Variants in FILIP1 observed in about 807,000 individuals in gnomAD.
The protein encoded by FILIP1 is filamin-A-interacting protein 1.
A neutral mutation model predicts 102.1 loss-of-function variants in FILIP1; 61 were observed. That is an observed-to-expected ratio of 0.60 (90% CI 0.49 to 0.74). FILIP1 has a LOEUF of 0.74. FILIP1 is among the 30% of genes least tolerant of loss of function. The pLI is 0.00. For synonymous variants in FILIP1, 491 were observed against 526.9 expected (o/e 0.93, Z 0.93); for missense variants, 1,314 against 1,441.2 (o/e 0.91, Z 1.43).
chr6:75,421,282 G>T (rs752905610), intron 1 of FILIP1, among the ~76,000 whole-genome samples: 1 of 152,158 alleles, frequency 6.6e-6, no homozygotes, highest in Admixed American at 6.6e-5. Context: ...GGTTAGATGA[G>T]TGGGAACGTA....
intron 1 of FILIP1, among the ~76,000 whole-genome samples, chr6:75,485,959 T>C (rs1481736260): frequency 6.8e-6 from 1 of 145,988 alleles, no homozygotes; most frequent in East Asian, 2.0e-4. Flanking sequence ...CTCACTGCCT[T>C]CTGACCAAAA....
At chr6:75,432,826 TC>T (rs905445598) in intron 1 of FILIP1, among the ~76,000 whole-genome samples, 4 of 151,906 alleles carry the variant, frequency 2.6e-5, no homozygotes, top group African/African-American at 9.7e-5. Flanking sequence ...TGCTATCCCT[TC>T]CCCCTCCCCC....
At chr6:75,326,833 C>T (rs1773881649) in intron 4 of FILIP1, among the ~76,000 whole-genome samples, 1 of 152,216 alleles carries the variant, frequency 6.6e-6, no homozygotes, top group South Asian at 2.1e-4. Context: ...TTTAGGTTAA[C>T]TTCATCTTGC....
Position 75,312,795 on chromosome 6 carries a change from A to T in FILIP1, c.3037T>A (p.Ser1013Thr), listed in dbSNP as rs746745541. 1 of 1,614,058 alleles carries T rather than the reference A, an allele frequency of 6.2e-7. No homozygotes were observed. ...ATCTCAGCTGGTGCTGCTGATGTAG[A>T]CACCGTCATTATCTGAATAGGGGAT... ...PTSPIQIMTV[S>T]TSAAPAEIAV... The change falls in exon 5 of 6, where the codon TCT (serine) becomes ACT (threonine). Residue 1013 changes from serine to threonine, a missense_variant. By Grantham distance (58) the Ser-to-Thr change is moderately conservative. This residue lies in a region of FILIP1 where 816 missense variants were observed against 913.1 expected (regional missense o/e 0.89). Transcript: ENST00000237172.
intron 4 of FILIP1, among the ~76,000 whole-genome samples, chr6:75,351,200 A>G (rs998811452): frequency 3.3e-5 from 5 of 152,166 alleles, no homozygotes; most frequent in African/African-American, 1.2e-4. Flanking sequence ...AGTAGCTGGG[A>G]TTACAGGTGC....
chr6:75,440,204 C>G (rs1175259181), intron 1 of FILIP1, among the ~76,000 whole-genome samples: 1 of 151,926 alleles, frequency 6.6e-6, no homozygotes, highest in African/African-American at 2.4e-5. Context: ...AACATTATTT[C>G]AGAATAAAAA....
At chr6:75,430,012 A>C (rs947461543) in intron 1 of FILIP1, among the ~76,000 whole-genome samples, 1 of 152,162 alleles carries the variant, frequency 6.6e-6, no homozygotes, top group African/African-American at 2.4e-5. Context: ...CCTCACCCAA[A>C]TCTCATCTTA....
At chr6:75,463,112 T>A (rs143142992) in intron 1 of FILIP1, among the ~76,000 whole-genome samples, 1 of 152,214 alleles carries the variant, frequency 6.6e-6, no homozygotes, top group Non-Finnish European at 1.5e-5. Flanking sequence ...AGAAAGGACA[T>A]ATCTGTGAGC....
chr6:75,465,652 G>A, intron 1 of FILIP1: 1 of 274,228 alleles, frequency 3.6e-6, no homozygotes, highest in Non-Finnish European at 6.8e-6. Flanking sequence ...TTTTCCAGGT[G>A]CATCTTATAG....
At chr6:75,450,803 A>C (rs937206995) in intron 1 of FILIP1, among the ~76,000 whole-genome samples, 1 of 151,926 alleles carries the variant, frequency 6.6e-6, no homozygotes, top group Admixed American at 6.6e-5. Flanking sequence ...TAAAAATACA[A>C]AATTAGCCGG....
At chr6:75,482,996 T>C (rs1226227626) in intron 1 of FILIP1, among the ~76,000 whole-genome samples, 2 of 151,568 alleles carry the variant, frequency 1.3e-5, no homozygotes, top group African/African-American at 2.4e-5. Flanking sequence ...AGAATAATTA[T>C]AAGAATCTTT....
chr6:75,454,659 CT>C, intron 1 of FILIP1, among the ~76,000 whole-genome samples: 1 of 152,270 alleles, frequency 6.6e-6, no homozygotes, highest in South Asian at 2.1e-4. Flanking sequence ...AGTCCCATGT[CT>C]TTTCTTATGA....
At chr6:75,349,992 G>GA (rs767373103) in intron 4 of FILIP1, among the ~76,000 whole-genome samples, 10 of 151,946 alleles carry the variant, frequency 6.6e-5, no homozygotes, top group Non-Finnish European at 1.3e-4. Context: ...CTTGACCTTT[G>GA]AAAAATCCCA....
chr6:75,305,690 G>A (rs1271548721), downstream of FILIP1, among the ~76,000 whole-genome samples: 1 of 152,176 alleles, frequency 6.6e-6, no homozygotes, highest in African/African-American at 2.4e-5. Flanking sequence ...ACCATAGTGT[G>A]CTGAAATAGT....
intron 1 of FILIP1, among the ~76,000 whole-genome samples, chr6:75,490,254 C>T (rs1779917750): frequency 6.6e-6 from 1 of 151,968 alleles, no homozygotes; most frequent in South Asian, 2.1e-4. Context: ...TACTGAATAT[C>T]CACTTAAAAG....
intron 1 of FILIP1, among the ~76,000 whole-genome samples, chr6:75,426,142 T>G: frequency 6.6e-6 from 1 of 152,174 alleles, no homozygotes. Flanking sequence ...CGAGACTATG[T>G]GACAGAAATG....
intron 4 of FILIP1, among the ~76,000 whole-genome samples, chr6:75,337,629 A>AG (rs934899351): frequency 2.4e-4 from 36 of 152,208 alleles, no homozygotes; most frequent in African/African-American, 8.2e-4. Context: ...AGAACATCAT[A>AG]GGATACACTA....
At chr6:75,335,114 A>C (rs1378240995) in intron 4 of FILIP1, among the ~76,000 whole-genome samples, 3 of 152,178 alleles carry the variant, frequency 2.0e-5, no homozygotes, top group African/African-American at 7.2e-5. Context: ...CACATACTGG[A>C]ATTTAAATAG....
At chr6:75,304,256 C>T (rs1340668919), downstream of FILIP1, among the ~76,000 whole-genome samples, 1 of 151,318 alleles carries the variant, frequency 6.6e-6, no homozygotes, top group Admixed American at 6.6e-5. Context: ...ACTTTGTCAC[C>T]CAGGTTGGAG....
Sources: allele counts gnomAD v4.1 joint callset (sites outside exome capture counted in the v4.1 genomes callset), GRCh38; gene constraint gnomAD v4.1.1; regional missense constraint gnomAD v4.1.1; transcripts MANE v1.5; gene names NCBI Gene and HGNC (gene_info 2026-07-23, HGNC 2026-07-21).